Variants in ARSL observed in about 807,000 individuals in gnomAD.
The protein encoded by ARSL is arylsulfatase E (chondrodysplasia punctata 1).
A neutral mutation model predicts 31.1 loss-of-function variants in ARSL; 4 were observed. That is an observed-to-expected ratio of 0.13 (90% confidence interval 0.06 to 0.29). ARSL has a LOEUF of 0.29. Ranked by LOEUF, ARSL falls within the 10% of genes least tolerant of loss-of-function variation. The pLI, the probability that ARSL is intolerant of heterozygous loss-of-function variation, is 1.00. For synonymous variants in ARSL, 198 were observed against 209.9 expected, an observed-to-expected ratio of 0.94 and a Z score of 0.49; for missense variants, 312 against 497.8, an observed-to-expected ratio of 0.63 and a Z score of 3.55.
chrX:2,957,649 C>T (rs1043953760), intron 3 of ARSL, among the ~76,000 whole-genome samples: 1 of 103,655 alleles, frequency 9.6e-6, no homozygotes, highest in Admixed American at 1.1e-4. Context: ...GCGGAGGTTG[C>T]AGTGAGCCGA....
chrX:2,943,467 C>T (rs1388219012), intron 7 of ARSL, among the ~76,000 whole-genome samples: 1 of 110,890 alleles, frequency 9.0e-6, no homozygotes, highest in Non-Finnish European at 1.9e-5. Flanking sequence ...GCAGGCTGGG[C>T]ACAGTGGCTC....
At position 2,946,092 on chromosome X, in the gene ARSL, G is replaced by A. The variant is rs148471739; in HGVS notation, c.897C>T (p.His299=). The A allele has an allele frequency of 1.7e-4, 203 of 1,208,163 alleles. No homozygotes were observed. Among genetic ancestry groups the A allele is most frequent in the African/African-American group, 1.1e-3 (61 of 56,932 alleles). Residue 299 remains histidine, a synonymous_variant, in exon 7 of 11, where the codon CAC becomes CAT. Coordinates refer to ENST00000381134, the MANE Select transcript of ARSL (RefSeq NM_000047.3). Reference sequence around the variant, plus strand: ...CCATAGTGATAAGAGGGATGTGAACGTGTAGAAAGGAAACAAAGAGGAGGA... The same window carrying A: ...CCATAGTGATAAGAGGGATGTGAACATGTAGAAAGGAAACAAAGAGGAGGA... The part of the protein sequence containing the change: ...GPFLLFVSFL[H]VHIPLITMEN...
intron 8 of ARSL, 135 bp downstream of exon 8, chrX:2,942,928 ACC>A (rs2089299893): frequency 1.1e-6 from 1 of 896,845 alleles, no homozygotes; most frequent in African/African-American, 1.9e-5. Context: ...ATGTCAAATT[ACC>A]ACTTTTGCCC....
At chrX:2,935,238 C>T (rs1257122752) in intron 10 of ARSL, 48 bp from the exon 11 acceptor site, 2 of 1,165,333 alleles carry the variant, frequency 1.7e-6, no homozygotes, top group Non-Finnish European at 2.3e-6. Flanking sequence ...AAATAGGGTG[C>T]CTTGCTGGAG....
chrX:2,959,615 G>A, intron 2 of ARSL: 1 of 1,152,459 alleles, frequency 8.7e-7, no homozygotes, highest in Middle Eastern at 2.4e-4. Context: ...GATTTGCAGA[G>A]AATGAAATAC....
At chrX:2,951,790 G>A (rs1206570230) in intron 5 of ARSL, among the ~76,000 whole-genome samples, 1 of 84,616 alleles carries the variant, frequency 1.2e-5, no homozygotes, top group Non-Finnish European at 2.4e-5. Context: ...AACAGAGTGA[G>A]TACCCTGTTT....
intron 8 of ARSL, among the ~76,000 whole-genome samples, chrX:2,939,897 G>T (rs1397275926): frequency 1.2e-5 from 1 of 83,394 alleles, no homozygotes; most frequent in Non-Finnish European, 2.2e-5. Context: ...TTGAGACAGA[G>T]TCTTACTCTG....
At position 2,943,741 on chromosome X, in the gene ARSL, CAAAAAAAAAAA is replaced by C. The variant is rs63205261; in HGVS notation, c.992-553_992-543del. 3.2e-3 allele frequency among the ~76,000 whole-genome samples: 44 copies of C among 13,730 alleles called. 1 individual carries two copies. Among genetic ancestry groups the C allele is most frequent in the Non-Finnish European group, 4.2e-3 (32 of 7,663 alleles). The allele number at this position is 13,730 out of a possible 115,157, so 11.9% of individuals were successfully genotyped here. On this transcript the variant is annotated intron_variant, in intron 7 of 10. Transcript: ENST00000381134. The stretch of plus-strand genomic sequence containing the variant: ...TGGGTGACAGAGTGAGACTCGGTCT[CAAAAAAAAAAA>C]AAAAAAAAAAAAAAAAAAAGTGAGG...
At chrX:2,936,501 A>T (rs1035142563) in intron 10 of ARSL, among the ~76,000 whole-genome samples, 1 of 111,334 alleles carries the variant, frequency 9.0e-6, no homozygotes, top group Non-Finnish European at 1.9e-5. Context: ...ACTATAGGTA[A>T]CGACTCCCCA....
chrX:2,965,455 C>T (rs1460635913), upstream of ARSL, among the ~76,000 whole-genome samples: 3 of 107,870 alleles, frequency 2.8e-5, no homozygotes, highest in Admixed American at 1.0e-4. Flanking sequence ...GAGGCAAGAT[C>T]GCAGCATTGT....
chrX:2,949,154 C>T, intron 6 of ARSL, 150 bp downstream of exon 6: 4 of 722,365 alleles, frequency 5.5e-6, no homozygotes. Context: ...TGGTCTCGAA[C>T]TCCTGACCTC....
upstream of ARSL, chrX:2,968,073 A>T (rs543580928): frequency 1.3e-4 from 142 of 1,110,128 alleles, 1 homozygote; most frequent in South Asian, 2.5e-3. Context: ...AGTTTAGCAT[A>T]AAAGAATATC....
rs944183114 is a variant in ARSL at position 2,949,509 on chromosome X, T to C, written c.649A>G (p.Thr217Ala). 8.3e-7 allele frequency: 1 copy of C among 1,208,256 alleles called. No individual in the cohort carries two copies. Among genetic ancestry groups the C allele is most frequent in the Non-Finnish European group, 1.1e-6 (1 of 894,797 alleles). Reference sequence around the variant, plus strand: ...ATCCACGAGACGGGTATCAGGTGTGTGAGCTTCCCTGCTACCAGTGTGAGG... The same window carrying C: ...ATCCACGAGACGGGTATCAGGTGTGCGAGCTTCCCTGCTACCAGTGTGAGG... ...VALTLVAGKL[T>A]HLIPVSWMPV... The change falls in exon 6 of 11, where the codon ACA (threonine) becomes GCA (alanine). Residue 217 changes from threonine to alanine, a missense_variant. Physicochemically the swap from Thr to Ala is moderately conservative, Grantham distance 58. Coordinates refer to ENST00000381134, the MANE Select transcript of ARSL (RefSeq NM_000047.3).
At chrX:2,950,089 C>A (rs2089441792) in intron 5 of ARSL, among the ~76,000 whole-genome samples, 1 of 111,919 alleles carries the variant, frequency 8.9e-6, no homozygotes, top group Non-Finnish European at 1.9e-5. Context: ...AGGGGAGGAT[C>A]CTTCCTGCCT....
rs780330895 is a variant in ARSL at position 2,935,159 on chromosome X, C to T, written c.1443G>A (p.Thr481=). Residue 481 remains threonine, a synonymous_variant, in exon 11 of 11, where the codon ACG becomes ACA. Transcript: ENST00000381134. ...CGGCTCCCTCTGGCTGGAACACAGG[C>T]GTCACAAAGTGGACTTTCCACATTG... ...RGTMWKVHFV[T]PVFQPEGAGA... 18 of 1,211,302 alleles carry T rather than the reference C, an allele frequency of 1.5e-5. No individual in the cohort carries two copies. Among genetic ancestry groups the T allele is most frequent in the East Asian group, 5.9e-5 (2 of 33,838 alleles).
At chrX:2,963,533 C>CTTTTT (rs769134287) in intron 1 of ARSL, among the ~76,000 whole-genome samples, 27 of 59,772 alleles carry the variant, frequency 4.5e-4, no homozygotes, top group East Asian at 1.1e-3. Context: ...TTTTCTTTTC[C>CTTTTT]TTTTTTTTTT....
At chrX:2,960,670 A>G (rs764824277) in intron 1 of ARSL, among the ~76,000 whole-genome samples, 6 of 111,933 alleles carry the variant, frequency 5.4e-5, no homozygotes, top group Non-Finnish European at 9.4e-5. Context: ...CTTCAGAGAA[A>G]GAGGAAGAAA....
At chrX:2,943,428 A>C (rs1393343152) in intron 7 of ARSL, among the ~76,000 whole-genome samples, 3 of 111,003 alleles carry the variant, frequency 2.7e-5, no homozygotes, top group African/African-American at 9.8e-5. Flanking sequence ...GTACAAGGAC[A>C]AAATATCAAA....
chrX:2,935,322 A>T, intron 10 of ARSL, 132 bp from the exon 11 acceptor site: 1 of 563,471 alleles, frequency 1.8e-6, no homozygotes, highest in Non-Finnish European at 3.0e-6. Context: ...TAAACAAAAC[A>T]TGGTACATCT....
Sources: gnomAD v4.1 joint callset for allele counts (sites outside exome capture counted in the v4.1 genomes callset) on GRCh38, gnomAD v4.1.1 for gene constraint, MANE v1.5 for transcripts, NCBI Gene and HGNC (gene_info 2026-07-23, HGNC 2026-07-21) for gene names.